The following IARS1 variants were observed in gnomAD, a reference collection of about 807,000 sequenced individuals.
The protein encoded by IARS1 is isoleucine--tRNA ligase, cytoplasmic.
In IARS1, 124 loss-of-function variants were observed where a neutral mutation model predicts 168.2. The ratio of observed to expected loss-of-function variants is 0.74; its 90% CI spans 0.64 to 0.86. IARS1 has a LOEUF of 0.86. IARS1 is among the 40% of genes least tolerant of loss of function. IARS1 has a pLI of 0.00. For missense variants in IARS1, 1,452 were observed against 1,515.8 expected (o/e 0.96, Z 0.70); for synonymous variants, 532 against 529.4 (o/e 1.00, Z -0.07).
At chr9:92,282,597 C>T (rs1287751319) in intron 6 of IARS1, among the ~76,000 whole-genome samples, 1 of 151,904 alleles carries the variant, frequency 6.6e-6, no homozygotes, top group African/African-American at 2.4e-5. Flanking sequence ...ATGGTGAGAT[C>T]CCATCTCTAC....
intron 9 of IARS1, among the ~76,000 whole-genome samples, chr9:92,274,760 T>G (rs1833561050): frequency 6.6e-6 from 1 of 152,162 alleles, no homozygotes; most frequent in South Asian, 2.1e-4. Context: ...CAGATAAAAA[T>G]TTCTAATTTC....
At chr9:92,222,340 CAAAAAAAAAAA>C (rs60335070) in intron 33 of IARS1, among the ~76,000 whole-genome samples, 169 bp downstream of exon 33, 1 of 55,372 alleles carries the variant, frequency 1.8e-5, no homozygotes, top group Non-Finnish European at 3.2e-5. Context: ...GACTCAGTCT[CAAAAAAAAAAA>C]AAAAAAAAAA....
chr9:92,253,460 G>A lies in IARS1; in HGVS notation c.2138-7C>T. On this transcript the variant is annotated splice_region_variant and splice_polypyrimidine_tract_variant and intron_variant, in intron 20 of 33. Coordinates refer to ENST00000443024, the MANE Select transcript of IARS1 (RefSeq NM_002161.6). ...ACAGTATAAAGCCTATAAGCTAAAAGTAAGACAAGTCAATCAGGCAGCAAG... is the reference window on the plus strand; with the variant it reads ...ACAGTATAAAGCCTATAAGCTAAAAATAAGACAAGTCAATCAGGCAGCAAG... 5.0e-6 allele frequency: 8 copies of A among 1,601,060 alleles called. No individual in the cohort carries two copies. The highest frequency in any genetic ancestry group is 6.8e-6 in the Non-Finnish European group (8 of 1,168,478).
intron 20 of IARS1, chr9:92,253,964 C>G (rs1830377634): frequency 2.3e-6 from 1 of 442,830 alleles, no homozygotes; most frequent in Admixed American, 2.4e-5. Context: ...TTTGGAGAAA[C>G]ATTTTGCTTG....
rs952434870 is a variant in IARS1 at position 92,260,351 on chromosome 9, T to C, written c.1788-117A>G. The C allele has an allele frequency of 7.6e-6, 6 of 792,126 alleles. No homozygotes were observed. In the African/African-American group the frequency reaches 1.0e-4, roughly 13 times the overall value. 49.1% of individuals were successfully genotyped at this position (792,126 alleles called of 1,614,324 possible). ...ACAAAATGAAATGGGAAGGAGTAAC[T>C]TAGATAGAAGTTAGTGCTAATAGGC... On this transcript the variant is annotated intron_variant, in intron 17 of 33. Coordinates refer to ENST00000443024, the MANE Select transcript of IARS1 (RefSeq NM_002161.6).
rs1403297905 is a variant in IARS1, at chr9:92,210,762, G to A, written c.*45C>T. The A allele has an allele frequency of 9.2e-7, 1 of 1,091,048 alleles. No individual in the cohort carries two copies. Among genetic ancestry groups the A allele is most frequent in the Admixed American group, 1.7e-5 (1 of 59,246 alleles). The allele number at this position is 1,091,048 out of a possible 1,614,324, so 67.6% of individuals were successfully genotyped here. On this transcript the variant is annotated 3_prime_UTR_variant, in exon 34 of 34. Transcript: ENST00000443024. ...ATGTGCATGTATGTGTAGGGGATAG[G>A]TGTAATTAGGGAAGGGCTGACCGAA...
intron 33 of IARS1, among the ~76,000 whole-genome samples, chr9:92,221,859 G>A (rs1839707536): frequency 2.0e-5 from 3 of 152,174 alleles, no homozygotes; most frequent in African/African-American, 4.8e-5. Context: ...AGGCTGTAAT[G>A]TCAGGCTATT....
Position 92,247,374 on chromosome 9 carries a change from T to G in IARS1, c.2791+3A>C. 6.2e-7 allele frequency: 1 copy of G among 1,613,256 alleles called. No homozygotes were observed. Among genetic ancestry groups the G allele is most frequent in the Non-Finnish European group, 8.5e-7 (1 of 1,179,584 alleles). On this transcript the variant is annotated splice_donor_region_variant and intron_variant, in intron 26 of 33. Transcript: ENST00000443024. ...TGGTGCCCTTGTCTGTGTAGACACC[T>G]ACCAGTCTTCTGGAACTGCTCCAGC... is the stretch of plus-strand genomic sequence containing the variant.
Position 92,264,426 on chromosome 9 carries a change from T to A in IARS1, c.1700+503A>T, listed in dbSNP as rs139365191. 8.0e-3 allele frequency among the ~76,000 whole-genome samples: 1,217 copies of A among 152,122 alleles called. 5 individuals carry two copies. Among genetic ancestry groups the A allele is most frequent in the Non-Finnish European group, 0.013 (902 of 67,990 alleles). On this transcript the variant is annotated intron_variant, in intron 16 of 33. Coordinates refer to ENST00000443024, the MANE Select transcript of IARS1 (RefSeq NM_002161.6). ...TCACCTTCTTCCAATTAAGGAACTG[T>A]TTTACATAAGGCACCAGATAAAAAT...
At position 92,246,467 on chromosome 9, in the gene IARS1, G is replaced by A. The variant is rs189949672; in HGVS notation, c.2791+910C>T. 2.8e-3 allele frequency among the ~76,000 whole-genome samples: 424 copies of A among 152,016 alleles called. 2 individuals are homozygous for A. The highest frequency in any genetic ancestry group is 0.014 in the Middle Eastern group (4 of 294). On this transcript the variant is annotated intron_variant, in intron 26 of 33. Coordinates refer to ENST00000443024, the MANE Select transcript of IARS1 (RefSeq NM_002161.6). ...GGGCACCCTGAAATGCTCTGTATAG[G>A]GGTAGCAAGATGGGGCTGATTTCCC...
At chr9:92,216,237 C>T (rs1457135308) in intron 33 of IARS1, among the ~76,000 whole-genome samples, 2 of 149,102 alleles carry the variant, frequency 1.3e-5, no homozygotes, top group South Asian at 2.2e-4. Context: ...GATTTTGTCA[C>T]CACCAGGCCT....
intron 26 of IARS1, among the ~76,000 whole-genome samples, chr9:92,246,543 C>G (rs1392861284): frequency 6.6e-6 from 1 of 152,080 alleles, no homozygotes; most frequent in Non-Finnish European, 1.5e-5. Context: ...TTTATGTTAC[C>G]CTACACCTTC....
chr9:92,271,072 G>A lies in IARS1; in HGVS notation c.1118C>T (p.Ala373Val). 2 of 1,590,836 alleles carry A rather than the reference G, an allele frequency of 1.3e-6. No homozygotes were observed. Among genetic ancestry groups the A allele is most frequent in the South Asian group, 1.1e-5 (1 of 87,216 alleles). Residue 373 changes from alanine to valine, a missense_variant, in exon 12 of 34, where the codon GCT (alanine) becomes GTT (valine). By Grantham distance (64) the Ala-to-Val change is moderately conservative (BLOSUM62 0). Coordinates refer to ENST00000443024, the MANE Select transcript of IARS1 (RefSeq NM_002161.6). ...CAAAGTCCTGATGATACTTTTGTCA[G>A]CATCCTATTAAAAAAAATTAAAATT... Reference protein sequence around the residue: ...TDFAGQYVKDADKSIIRTLKE... With the variant: ...TDFAGQYVKDVDKSIIRTLKE...
chr9:92,266,768 T>C (rs969511780), intron 14 of IARS1, among the ~76,000 whole-genome samples: 2 of 152,214 alleles, frequency 1.3e-5, no homozygotes, highest in African/African-American at 4.8e-5. Flanking sequence ...GATTTCTGCA[T>C]ACTCTGGCTC....
intron 29 of IARS1, among the ~76,000 whole-genome samples, chr9:92,241,206 T>C (rs1327672783): frequency 4.6e-5 from 7 of 152,070 alleles, no homozygotes; most frequent in Non-Finnish European, 8.8e-5. Context: ...ATATGCAAAA[T>C]ACAAAATGAA....
rs1444958339 is a variant in IARS1, at chr9:92,293,608, T to C, written c.-8+3A>G. ...CGGATCCTGCAGGGAAGAGAGGGCG[T>C]ACCTGAGGGGCCTCGCGTGCCTGGA... is the stretch of plus-strand genomic sequence containing the variant. On this transcript the variant is annotated splice_donor_region_variant and intron_variant, in intron 1 of 33. Transcript: ENST00000443024. 1 of 361,876 alleles carries C rather than the reference T, an allele frequency of 2.8e-6. No individual in the cohort carries two copies. The allele number at this position is 361,876 out of a possible 1,614,324, so 22.4% of individuals were successfully genotyped here.
At chr9:92,264,176 A>G (rs1453657288) in intron 16 of IARS1, among the ~76,000 whole-genome samples, 1 of 152,070 alleles carries the variant, frequency 6.6e-6, no homozygotes, top group Non-Finnish European at 1.5e-5. Context: ...CTCTACTAAA[A>G]CTACAAAAAT....
intron 20 of IARS1, among the ~76,000 whole-genome samples, chr9:92,254,387 G>C (rs1324959661): frequency 6.6e-6 from 1 of 152,150 alleles, no homozygotes; most frequent in Non-Finnish European, 1.5e-5. Context: ...CCGATACTTA[G>C]AAACAAATAC....
chr9:92,250,950 T>G (rs1829930165), intron 22 of IARS1, 116 bp from the exon 23 acceptor site: 1 of 1,127,854 alleles, frequency 8.9e-7, no homozygotes, highest in Non-Finnish European at 1.3e-6. Flanking sequence ...GGCACCAAAA[T>G]GAGCATGAGG....
Sources: gnomAD v4.1 joint callset for allele counts (sites outside exome capture counted in the v4.1 genomes callset) on GRCh38, gnomAD v4.1.1 for gene constraint, MANE v1.5 for transcripts, NCBI Gene and HGNC (gene_info 2026-07-23, HGNC 2026-07-21) for gene names.